The following KIAA0825 variants were observed in gnomAD, a reference collection of about 807,000 sequenced individuals.
KIAA0825 encodes KIAA0825, also known as uncharacterized protein KIAA0825.
Under a neutral mutation model 147.6 loss-of-function variants are expected in KIAA0825, and 119 were observed. That is an observed-to-expected ratio of 0.81 (90% CI 0.69 to 0.94). The LOEUF is 0.94. Among genes scored for constraint, KIAA0825 ranks in the 40% least tolerant of loss-of-function variants. KIAA0825 has a pLI of 0.00. For synonymous variants in KIAA0825, 470 were observed against 518.1 expected (o/e 0.91, Z 1.26); for missense variants, 1,381 against 1,472.7 (o/e 0.94, Z 1.02).
At chr5:94,311,660 A>G (rs1224762981) in intron 20 of KIAA0825, among the ~76,000 whole-genome samples, 1 of 151,640 alleles carries the variant, frequency 6.6e-6, no homozygotes, top group Non-Finnish European at 1.5e-5. Flanking sequence ...ATTGTATAAT[A>G]TAATTTCTAT....
chr5:94,511,973 G>A (rs1292568282), intron 5 of KIAA0825, among the ~76,000 whole-genome samples: 2 of 151,496 alleles, frequency 1.3e-5, no homozygotes, highest in Non-Finnish European at 2.9e-5. Flanking sequence ...TGGGCAACAA[G>A]AGCAAAACTC....
At chr5:94,558,799 GTAGGTCATAAGACCT>G (rs1379426089) in intron 2 of KIAA0825, among the ~76,000 whole-genome samples, 1 of 152,194 alleles carries the variant, frequency 6.6e-6, no homozygotes, top group Non-Finnish European at 1.5e-5. Flanking sequence ...TTCCACTGAA[GTAGGTCATAAGACCT>G]TCATTCCACA....
intron 15 of KIAA0825, among the ~76,000 whole-genome samples, chr5:94,406,354 A>G (rs192562994): frequency 7.2e-4 from 109 of 152,332 alleles, no homozygotes; most frequent in African/African-American, 2.6e-3. Context: ...AAAATTTTAC[A>G]TATATCTAGA....
At chr5:94,568,974 T>C (rs1179454932) in intron 2 of KIAA0825, 1 of 166,792 alleles carries the variant, frequency 6.0e-6, no homozygotes, top group Non-Finnish European at 1.3e-5. Flanking sequence ...TTACAATATA[T>C]ACACCAACAA....
chr5:94,417,409 GAT>G (rs1267176816), intron 14 of KIAA0825, 44 bp from the exon 15 acceptor site: 1 of 1,478,792 alleles, frequency 6.8e-7, no homozygotes, highest in South Asian at 1.3e-5. Flanking sequence ...GATTTAGTAA[GAT>G]ATCAGTGAAT....
chr5:94,220,148 A>AT (rs1230761826), intron 20 of KIAA0825, among the ~76,000 whole-genome samples: 1 of 151,918 alleles, frequency 6.6e-6, no homozygotes, highest in Non-Finnish European at 1.5e-5. Context: ...TACTTCTGAA[A>AT]TTTTTTTTGT....
At chr5:94,312,900 G>C (rs1779312950) in intron 20 of KIAA0825, among the ~76,000 whole-genome samples, 1 of 151,444 alleles carries the variant, frequency 6.6e-6, no homozygotes, top group Admixed American at 6.6e-5. Flanking sequence ...TGTAAATAAA[G>C]AAAATATTCT....
intron 3 of KIAA0825, among the ~76,000 whole-genome samples, chr5:94,525,240 T>C (rs2151247524): frequency 6.6e-6 from 1 of 152,032 alleles, no homozygotes; most frequent in South Asian, 2.1e-4. Flanking sequence ...TGATAGAACC[T>C]GGTAGGCTTT....
intron 1 of KIAA0825, among the ~76,000 whole-genome samples, chr5:94,602,288 T>C (rs1786627191): frequency 6.6e-6 from 1 of 151,992 alleles, no homozygotes; most frequent in African/African-American, 2.4e-5. Flanking sequence ...GAGGCGGAGC[T>C]TGCAGTGAGC....
At chr5:94,554,408 A>C (rs532014134) in intron 2 of KIAA0825, among the ~76,000 whole-genome samples, 1 of 152,160 alleles carries the variant, frequency 6.6e-6, no homozygotes, top group African/African-American at 2.4e-5. Flanking sequence ...CTTGGTAATA[A>C]AGCAAAGTGA....
At chr5:94,373,778 T>C (rs889939741) in intron 20 of KIAA0825, among the ~76,000 whole-genome samples, 1 of 152,242 alleles carries the variant, frequency 6.6e-6, no homozygotes, top group African/African-American at 2.4e-5. Flanking sequence ...AGAATATTAC[T>C]AGTTGTCACA....
At chr5:94,519,980 T>C (rs998623653) in intron 5 of KIAA0825, 2 of 1,065,394 alleles carry the variant, frequency 1.9e-6, no homozygotes, top group Non-Finnish European at 2.3e-6. Context: ...CTGTTTGTCA[T>C]ATGCAATCAA....
intron 5 of KIAA0825, among the ~76,000 whole-genome samples, chr5:94,511,560 C>T (rs185958696): frequency 5.3e-5 from 8 of 152,008 alleles, no homozygotes; most frequent in African/African-American, 1.9e-4. Flanking sequence ...GCAGAGGTTG[C>T]GGTGAGCTGA....
At position 94,537,183 on chromosome 5, in the gene KIAA0825, T is replaced by C. The variant is rs1040022436; in HGVS notation, c.-1-56A>G. 8 of 1,420,636 alleles carry C rather than the reference T, an allele frequency of 5.6e-6. No individual in the cohort carries two copies. The African/African-American group carries it at 1.0e-4, about 18-fold the overall frequency. 88.0% of individuals were successfully genotyped at this position (1,420,636 alleles called of 1,614,324 possible). A position where few individuals can be genotyped will look rare whatever the true frequency, so the allele number is the denominator to read the frequency against. On this transcript the variant is annotated intron_variant, in intron 2 of 20. Transcript: ENST00000682413. ...TCAGTTCCCCCACAATGGCCAGGGATAGGGGTGGGCAGAAATTCACCTCAA... is the reference window on the plus strand; with the variant it reads ...TCAGTTCCCCCACAATGGCCAGGGACAGGGGTGGGCAGAAATTCACCTCAA...
intron 15 of KIAA0825, among the ~76,000 whole-genome samples, chr5:94,405,428 G>C (rs1381502393): frequency 6.6e-6 from 1 of 151,970 alleles, no homozygotes; most frequent in Non-Finnish European, 1.5e-5. Flanking sequence ...TAAGTAAAAA[G>C]GTTTGGTTTA....
intron 18 of KIAA0825, 61 bp downstream of exon 18, chr5:94,391,474 A>G: frequency 1.3e-6 from 2 of 1,518,976 alleles, no homozygotes; most frequent in African/African-American, 1.4e-5. Flanking sequence ...CTTAGCTGCC[A>G]GCAGACGCTG....
chr5:94,354,685 G>A (rs1784056565), intron 20 of KIAA0825, among the ~76,000 whole-genome samples: 1 of 152,184 alleles, frequency 6.6e-6, no homozygotes, highest in Admixed American at 6.5e-5. Flanking sequence ...GTCAAGTCCT[G>A]CTATTTTGAA....
intron 14 of KIAA0825, among the ~76,000 whole-genome samples, chr5:94,427,301 A>T (rs1755019147): frequency 6.6e-6 from 1 of 152,282 alleles, no homozygotes; most frequent in South Asian, 2.1e-4. Context: ...TGGGAGGTCG[A>T]GTAGGGAGGA....
chr5:94,157,196 T>A (rs1767115897), intron 20 of KIAA0825, among the ~76,000 whole-genome samples: 1 of 152,186 alleles, frequency 6.6e-6, no homozygotes, highest in African/African-American at 2.4e-5. Flanking sequence ...TATATTTTTG[T>A]TTTTCCTAAT....
Sources: gnomAD v4.1 joint callset for allele counts (sites outside exome capture counted in the v4.1 genomes callset) on GRCh38, gnomAD v4.1.1 for gene constraint, MANE v1.5 for transcripts, NCBI Gene and HGNC (gene_info 2026-07-23, HGNC 2026-07-21) for gene names.